Variants in PPP1R16B observed in about 807,000 individuals in gnomAD.
The protein encoded by PPP1R16B is protein phosphatase 1 regulatory inhibitor subunit 16B.
In PPP1R16B, 14 loss-of-function variants were observed where a neutral mutation model predicts 61.7. That is an observed-to-expected ratio of 0.23 (90% CI 0.15 to 0.35). The LOEUF (loss-of-function observed/expected upper bound fraction) is 0.35, where lower values mean the gene tolerates loss of function less well. PPP1R16B is among the 10% of genes least tolerant of loss of function. The pLI, the probability that PPP1R16B is intolerant of heterozygous loss-of-function variation, is 1.00. For synonymous variants in PPP1R16B, 266 were observed against 305.3 expected (o/e 0.87, Z 1.34); for missense variants, 547 against 752.5 (o/e 0.73, Z 3.19).
intron 3 of PPP1R16B, among the ~76,000 whole-genome samples, chr20:38,892,757 A>C (rs947258777): frequency 6.6e-6 from 1 of 152,192 alleles, no homozygotes; most frequent in African/African-American, 2.4e-5. Context: ...GACTTCTAAG[A>C]GGAAGGGATA....
At chr20:38,859,952 T>C (rs1456784307) in intron 2 of PPP1R16B, among the ~76,000 whole-genome samples, 2 of 152,218 alleles carry the variant, frequency 1.3e-5, no homozygotes, top group African/African-American at 4.8e-5. Context: ...TACATTCTGT[T>C]TTTTTCATAT....
intron 6 of PPP1R16B, among the ~76,000 whole-genome samples, chr20:38,904,771 C>G (rs1421715098): frequency 6.6e-6 from 1 of 152,174 alleles, no homozygotes; most frequent in Non-Finnish European, 1.5e-5. Flanking sequence ...CCCACTGACT[C>G]TCCAGCCCAA....
chr20:38,822,926 T>C (rs1246797557), intron 1 of PPP1R16B, among the ~76,000 whole-genome samples: 2 of 152,186 alleles, frequency 1.3e-5, no homozygotes, highest in Non-Finnish European at 2.9e-5. Flanking sequence ...AGGAGATAAA[T>C]TCAATTGTGT....
In PPP1R16B at chr20:38,895,851, C is replaced by T. The variant is rs375875801; in HGVS notation, c.467+141C>T. ...TTCTTTCTCTCCTCCCTTCCTCCTTCCTTCTTTCTTCCCTCCCTCCCTCCT... is the reference window on the plus strand; with the variant it reads ...TTCTTTCTCTCCTCCCTTCCTCCTTTCTTCTTTCTTCCCTCCCTCCCTCCT... On this transcript the variant is annotated intron_variant, in intron 4 of 10. Coordinates refer to ENST00000299824, the MANE Select transcript of PPP1R16B (RefSeq NM_015568.4). The T allele has an allele frequency of 3.1e-4, 240 of 774,832 alleles. 4 individuals carry two copies. Among genetic ancestry groups the T allele is most frequent in the Non-Finnish European group, 3.6e-4 (192 of 528,916 alleles). 48.0% of individuals were successfully genotyped at this position (774,832 alleles called of 1,614,324 possible). A position where few individuals can be genotyped will look rare whatever the true frequency, so the allele number is the denominator to read the frequency against.
intron 2 of PPP1R16B, among the ~76,000 whole-genome samples, chr20:38,854,546 G>A (rs977998036): frequency 4.6e-5 from 7 of 152,174 alleles, no homozygotes; most frequent in African/African-American, 1.2e-4. Flanking sequence ...ATATAAAGAG[G>A]CCTTCAGTGG....
intron 2 of PPP1R16B, among the ~76,000 whole-genome samples, chr20:38,854,483 A>G (rs1384666421): frequency 6.6e-6 from 1 of 152,236 alleles, no homozygotes; most frequent in African/African-American, 2.4e-5. Flanking sequence ...TCACAAATGC[A>G]GTGTGCTCAG....
At chr20:38,861,419 G>C (rs1251130060) in intron 2 of PPP1R16B, among the ~76,000 whole-genome samples, 1 of 152,178 alleles carries the variant, frequency 6.6e-6, no homozygotes, top group African/African-American at 2.4e-5. Flanking sequence ...GAGTTGCCTG[G>C]GAGAGCCAAG....
chr20:38,855,978 A>AGGAGGAGGAGGAGGAGGAGGAG (rs1555804346), intron 2 of PPP1R16B, among the ~76,000 whole-genome samples: 1 of 29,752 alleles, frequency 3.4e-5, no homozygotes, highest in Non-Finnish European at 5.5e-5. Context: ...AGAGAGAGAG[A>AGGAGGAGGAGGAGGAGGAGGAG]GAGAAGGAGG....
intron 2 of PPP1R16B, among the ~76,000 whole-genome samples, chr20:38,862,465 G>A (rs893707401): frequency 2.6e-5 from 4 of 152,092 alleles, no homozygotes; most frequent in African/African-American, 9.7e-5. Context: ...GAATGCCCCC[G>A]ACACAACCCT....
At chr20:38,873,740 T>TTTG (rs1555805664) in intron 2 of PPP1R16B, among the ~76,000 whole-genome samples, 6 of 89,538 alleles carry the variant, frequency 6.7e-5, no homozygotes, top group Admixed American at 6.0e-4. Context: ...ACATCTTTTT[T>TTTG]TTGTTTTTTT....
At chr20:38,906,777 C>T (rs1310778075) in intron 7 of PPP1R16B, among the ~76,000 whole-genome samples, 1 of 152,118 alleles carries the variant, frequency 6.6e-6, no homozygotes, top group African/African-American at 2.4e-5. Context: ...CTTGGTGTGG[C>T]CCAGGCATGT....
rs565935891 is a variant in PPP1R16B, at chr20:38,907,567, A to G, written c.899-239A>G. ...AAAGAGCAACATGAATCCCTCGGTC[A>G]TAGCTGGGAAGCTTAGGAATTGTGA... is the stretch of plus-strand genomic sequence containing the variant. On this transcript the variant is annotated intron_variant, in intron 8 of 10. Coordinates refer to ENST00000299824, the MANE Select transcript of PPP1R16B (RefSeq NM_015568.4). The surrounding 1 kb of genome is among the most constrained non-coding windows in gnomAD (Gnocchi z 4.5). Among the ~76,000 whole-genome samples, 22 of 152,326 alleles carry G rather than the reference A, an allele frequency of 1.4e-4. No individual in the cohort carries two copies. Among genetic ancestry groups the G allele is most frequent in the African/African-American group, 5.3e-4 (22 of 41,576 alleles).
chr20:38,900,588 G>C lies in PPP1R16B; in HGVS notation c.475G>C (p.Asp159His). Residue 159 changes from aspartate to histidine, a missense_variant, in exon 5 of 11, where the codon GAC becomes CAC. Physicochemically the swap from Asp to His is moderately conservative, Grantham distance 81. Transcript: ENST00000299824. ...CTGCCTCTTTCTCTGCAGTGGGGCC[G>C]ACTTGCTTGCTGTCAACTCGGATGG... is the stretch of plus-strand genomic sequence containing the variant. ...LVKILVQYGADLLAVNSDGNM... is the reference protein window; with the variant it reads ...LVKILVQYGAHLLAVNSDGNM... The C allele has an allele frequency of 6.2e-7, 1 of 1,601,936 alleles. No individual in the cohort carries two copies. Among genetic ancestry groups the C allele is most frequent in the Non-Finnish European group, 8.5e-7 (1 of 1,174,800 alleles).
At chr20:38,859,083 AC>A (rs775204631) in intron 2 of PPP1R16B, among the ~76,000 whole-genome samples, 38 of 152,026 alleles carry the variant, frequency 2.5e-4, no homozygotes, top group Non-Finnish European at 4.9e-4. Flanking sequence ...TACCAAGCCG[AC>A]CCCGACTTCA....
At chr20:38,856,676 A>G (rs1601260395) in intron 2 of PPP1R16B, among the ~76,000 whole-genome samples, 1 of 152,186 alleles carries the variant, frequency 6.6e-6, no homozygotes, top group Admixed American at 6.5e-5. Flanking sequence ...GCATTGTGCT[A>G]AAAATCTTTC....
intron 3 of PPP1R16B, among the ~76,000 whole-genome samples, chr20:38,890,791 A>C (rs2085286609): frequency 6.6e-6 from 1 of 152,196 alleles, no homozygotes; most frequent in Non-Finnish European, 1.5e-5. Context: ...AAGCAGATGG[A>C]CTTGAGTGAG....
intron 2 of PPP1R16B, among the ~76,000 whole-genome samples, chr20:38,882,559 T>C (rs2085210576): frequency 6.6e-6 from 1 of 152,186 alleles, no homozygotes; most frequent in Non-Finnish European, 1.5e-5. Context: ...CTCGATTTTG[T>C]ACAAAAGTCA....
At chr20:38,808,117 T>C (rs2084674130) in intron 1 of PPP1R16B, among the ~76,000 whole-genome samples, 1 of 152,210 alleles carries the variant, frequency 6.6e-6, no homozygotes, top group Non-Finnish European at 1.5e-5. Flanking sequence ...CAGAGCCCAT[T>C]TGAGCCCTTT....
intron 3 of PPP1R16B, among the ~76,000 whole-genome samples, chr20:38,895,305 G>C (rs1235024162): frequency 6.6e-6 from 1 of 152,210 alleles, no homozygotes; most frequent in African/African-American, 2.4e-5. Context: ...ATAGCTGACA[G>C]AGTGTTTTTT....
Sources: gnomAD v4.1 joint callset for allele counts (sites outside exome capture counted in the v4.1 genomes callset) on GRCh38, gnomAD v4.1.1 for gene constraint, Gnocchi (gnomAD v3.1) non-coding constraint, MANE v1.5 for transcripts, NCBI Gene and HGNC (gene_info 2026-07-23, HGNC 2026-07-21) for gene names.